PGLYRP2: variants seen among roughly 807,000 people sequenced by gnomAD.
PGLYRP2 encodes peptidoglycan recognition protein 2, also known as N-acetylmuramoyl-L-alanine amidase.
PGLYRP2 carries 38 observed loss-of-function variants against 46.2 expected under a neutral mutation model. The observed-to-expected ratio is 0.82, with a 90% CI of 0.64 to 1.08. The LOEUF is 1.08. Ranked by LOEUF, PGLYRP2 falls within the 50% of genes least tolerant of loss-of-function variation. The pLI is 0.00. For synonymous variants in PGLYRP2, 289 were observed against 329.4 expected (o/e 0.88, Z 1.33); for missense variants, 713 against 755.9 (o/e 0.94, Z 0.67).
At chr19:15,474,067 G>T (rs1360206687) in intron 2 of PGLYRP2, among the ~76,000 whole-genome samples, 1 of 152,164 alleles carries the variant, frequency 6.6e-6, no homozygotes, top group Non-Finnish European at 1.5e-5. Context: ...GCCGGGTGAT[G>T]GCTCACGACT....
chr19:15,473,470 C>CAAAAA (rs56053684), intron 2 of PGLYRP2, among the ~76,000 whole-genome samples: 3 of 36,478 alleles, frequency 8.2e-5, no homozygotes, highest in Non-Finnish European at 1.4e-4. Flanking sequence ...AACTCTGTCT[C>CAAAAA]AAAAAAAAAA....
In PGLYRP2 at chr19:15,471,843, A is replaced by G. The variant is rs757278814; in HGVS notation, c.1343+47T>C. Reference sequence around the variant, plus strand: ...ATCAGGCTCCGCCCACTCAGACCCCATCCCCGAACGTGGGCCCCGCCCCCT... The same window carrying G: ...ATCAGGCTCCGCCCACTCAGACCCCGTCCCCGAACGTGGGCCCCGCCCCCT... On this transcript the variant is annotated intron_variant, in intron 3 of 4. Transcript: ENST00000340880. The G allele has an allele frequency of 3.1e-6, 5 of 1,589,066 alleles. No individual in the cohort carries two copies. In the African/African-American group the frequency reaches 5.4e-5, roughly 17 times the overall value.
intron 3 of PGLYRP2, 129 bp downstream of exon 3, chr19:15,471,761 A>G (rs979615537): frequency 7.4e-6 from 8 of 1,086,486 alleles, no homozygotes; most frequent in East Asian, 2.6e-5. Context: ...TGCTCTACCT[A>G]TCAGGACTCC....
chr19:15,474,728 C>A (rs1970778485), intron 2 of PGLYRP2, among the ~76,000 whole-genome samples: 1 of 151,998 alleles, frequency 6.6e-6, no homozygotes, highest in African/African-American at 2.4e-5. Context: ...GTGGCTCACG[C>A]CCGTAATCCT....
chr19:15,468,756 GA>G lies in PGLYRP2; in HGVS notation c.1642-5del. The stretch of plus-strand genomic sequence containing the variant: ...TGGCAGGTCTTGGCTTAACAGTCTG[GA>G]AAAAGACAAGGGAGTGTGAGGCTTG... On this transcript the variant is annotated splice_polypyrimidine_tract_variant and splice_region_variant and intron_variant, in intron 4 of 4. Coordinates refer to ENST00000340880, the MANE Select transcript of PGLYRP2 (RefSeq NM_052890.4). 1 of 1,607,556 alleles carries G rather than the reference GA, an allele frequency of 6.2e-7. No homozygotes were observed. The highest frequency in any genetic ancestry group is 2.2e-5 in the East Asian group (1 of 44,716).
rs762292256 is a variant in PGLYRP2 at position 15,475,539 on chromosome 19, C to A, written c.1131G>T (p.Leu377=). 1.3e-6 allele frequency: 2 copies of A among 1,589,130 alleles called. No individual in the cohort carries two copies. Among genetic ancestry groups the A allele is most frequent in the Non-Finnish European group, 1.7e-6 (2 of 1,165,752 alleles). The change falls in exon 2 of 5, where the codon CTG becomes CTT. Residue 377 remains leucine (L), a splice_region_variant and synonymous_variant. Transcript: ENST00000340880. ...NATKEFTEAF[L]GCPAIHPRCR... is the part of the protein sequence containing the mutation. ...ACAGGGTGTGGGGAACTTCCTCACC[C>A]AGGAAGGCCTCAGTGAATTCCTTGG...
intron 3 of PGLYRP2, 77 bp from the exon 4 acceptor site, chr19:15,470,006 C>T: frequency 7.6e-7 from 1 of 1,318,104 alleles, no homozygotes; most frequent in Non-Finnish European, 9.7e-7. Context: ...CTCCCCGATT[C>T]TGTTGGTGTG....
At chr19:15,473,315 C>A (rs1192659796) in intron 2 of PGLYRP2, among the ~76,000 whole-genome samples, 1 of 151,274 alleles carries the variant, frequency 6.6e-6, no homozygotes, top group African/African-American at 2.4e-5. Context: ...ACTAAAAATA[C>A]AAAAATTAGC....
chr19:15,475,807 C>T lies in PGLYRP2; in HGVS notation c.863G>A (p.Arg288Gln), dbSNP rs149627417. The T allele has an allele frequency of 1.3e-3, 2,164 of 1,614,046 alleles. 27 individuals carry two copies. In the African/African-American group the frequency reaches 0.023, roughly 17 times the overall value. Residue 288 changes from arginine to glutamine, a missense_variant, in exon 2 of 5, where the codon CGG (arginine) becomes CAG (glutamine). Physicochemically the swap from Arg to Gln is conservative, Grantham distance 43 (BLOSUM62 1). Coordinates refer to ENST00000340880, the MANE Select transcript of PGLYRP2 (RefSeq NM_052890.4). ...GAGGGATGGCCGGGGCTCAGGAGTC[C>T]GGCTCAGGTAGTCTCCAAGGATGAC... ...DGVILGDYLS[R>Q]TPEPRPSLSH...
At position 15,475,677 on chromosome 19, in the gene PGLYRP2, G is replaced by C. The variant is rs34865150; in HGVS notation, c.993C>G (p.Ile331Met). The C allele has an allele frequency of 6.2e-7, 1 of 1,614,054 alleles. No individual in the cohort carries two copies. Among genetic ancestry groups the C allele is most frequent in the African/African-American group, 1.3e-5 (1 of 74,936 alleles). The change falls in exon 2 of 5, where the codon ATC becomes ATG. Residue 331 changes from isoleucine to methionine, a missense_variant. Ile to Met is a conservative substitution (Grantham distance 10). Coordinates refer to ENST00000340880, the MANE Select transcript of PGLYRP2 (RefSeq NM_052890.4). ...QNGAALTSAS[I>M]LAQQVWGTLV... ...GGGTTCCCCACACCTGCTGGGCCAG[G>C]ATGGAGGCTGAAGTCAGAGCAGCAC... is the stretch of plus-strand genomic sequence containing the variant.
rs763948504 is a variant in PGLYRP2 at position 15,475,698 on chromosome 19, A to G, written c.972T>C (p.Ala324=). ...FRSNFRRQNG[A]ALTSASILAQ... Reference sequence around the variant, plus strand: ...CCAGGATGGAGGCTGAAGTCAGAGCAGCACCGTTCTGCCGTCGGAAGTTGC... The same window carrying G: ...CCAGGATGGAGGCTGAAGTCAGAGCGGCACCGTTCTGCCGTCGGAAGTTGC... Residue 324 remains alanine (A), a synonymous_variant, in exon 2 of 5, where the codon GCT becomes GCC. Coordinates refer to ENST00000340880, the MANE Select transcript of PGLYRP2 (RefSeq NM_052890.4). 2 of 1,614,154 alleles carry G rather than the reference A, an allele frequency of 1.2e-6. No homozygotes were observed. The highest frequency in any genetic ancestry group is 1.7e-6 in the Non-Finnish European group (2 of 1,180,008).
chr19:15,470,595 C>G (rs1555722818), intron 3 of PGLYRP2, among the ~76,000 whole-genome samples: 1 of 151,464 alleles, frequency 6.6e-6, no homozygotes, highest in Non-Finnish European at 1.5e-5. Flanking sequence ...GCGTGAGCCA[C>G]TGTGCCCAGC....
In PGLYRP2 at chr19:15,476,392, A is replaced by T. The variant is rs901914749; in HGVS notation, c.278T>A (p.Leu93Gln). 2 of 1,613,940 alleles carry T rather than the reference A, an allele frequency of 1.2e-6. No individual in the cohort carries two copies. The highest frequency in any genetic ancestry group is 1.7e-6 in the Non-Finnish European group (2 of 1,179,964). The change falls in exon 2 of 5, where the codon CTG becomes CAG. Residue 93 changes from leucine to glutamine, a missense_variant. Leu to Gln is a moderately radical substitution (Grantham distance 113). Transcript: ENST00000340880. Reference sequence around the variant, plus strand: ...GTCATGTCGGGCCACCTCCTTGGTCAGGCCTAACAGCTCTGGGCTTAGTGG... The same window carrying T: ...GTCATGTCGGGCCACCTCCTTGGTCTGGCCTAACAGCTCTGGGCTTAGTGG... ...PCPLSPELLGLTKEVARHDVR... is the reference protein window; with the variant it reads ...PCPLSPELLGQTKEVARHDVR...
intron 1 of PGLYRP2, among the ~76,000 whole-genome samples, 172 bp downstream of exon 1, chr19:15,479,139 T>C (rs1970823423): frequency 6.6e-6 from 1 of 152,182 alleles, no homozygotes; most frequent in Admixed American, 6.6e-5. Flanking sequence ...TTCCTTCCCT[T>C]ATCCTTGCCT....
chr19:15,477,057 T>C (rs78942241), intron 1 of PGLYRP2, among the ~76,000 whole-genome samples: 6,121 of 151,982 alleles, frequency 0.04, 412 homozygotes, highest in African/African-American at 0.14. Context: ...TTGTGATGAA[T>C]TGAAGTTAAA....
rs754727111 is a variant in PGLYRP2, at chr19:15,468,684, C to T, written c.1710G>A (p.Leu570=). The part of the protein sequence containing the change: ...RSRREPPPRT[L]PATDLQ ...GTCTTTATTGGAGGTCTGTGGCTGG[C>T]AGGGTCCTTGGGGGTGGCTCCCTCC... Residue 570 remains leucine (L), a synonymous_variant, in exon 5 of 5, where the codon CTG becomes CTA. Transcript: ENST00000340880. 3.7e-6 allele frequency: 6 copies of T among 1,612,808 alleles called. No homozygotes were observed. The highest frequency in any genetic ancestry group is 5.1e-6 in the Non-Finnish European group (6 of 1,179,428).
At position 15,468,771 on chromosome 19, in the gene PGLYRP2, G is replaced by C; in HGVS notation, c.1642-19C>G. ...TAACAGTCTGGAAAAAGACAAGGGA[G>C]TGTGAGGCTTGGGGGTGGTTGTGGT... On this transcript the variant is annotated intron_variant, in intron 4 of 4. Transcript: ENST00000340880. The C allele has an allele frequency of 1.9e-6, 3 of 1,596,204 alleles. No individual in the cohort carries two copies. The highest frequency in any genetic ancestry group is 2.6e-6 in the Non-Finnish European group (3 of 1,168,450).
At chr19:15,478,777 C>A (rs143333961) in intron 1 of PGLYRP2, among the ~76,000 whole-genome samples, 4,423 of 152,042 alleles carry the variant, frequency 0.029, 105 homozygotes, top group Non-Finnish European at 0.046. Context: ...CCTGCCACCA[C>A]GCCTGGCTAA....
chr19:15,472,030 C>T lies in PGLYRP2; in HGVS notation c.1203G>A (p.Gln401=). ...GCACGTACAAGAATCCCAGCGGCAGCTGCAGCAGCTTCGGGCGGCCCCGAT... is the reference window on the plus strand; with the variant it reads ...GCACGTACAAGAATCCCAGCGGCAGTTGCAGCAGCTTCGGGCGGCCCCGAT... ...APYRGRPKLL[Q]LPLGFLYVHH... is the part of the protein sequence containing the mutation. Residue 401 remains glutamine (Q), a synonymous_variant, in exon 3 of 5, where the codon CAG becomes CAA. Coordinates refer to ENST00000340880, the MANE Select transcript of PGLYRP2 (RefSeq NM_052890.4). 1 of 1,612,468 alleles carries T rather than the reference C, an allele frequency of 6.2e-7. No homozygotes were observed. The highest frequency in any genetic ancestry group is 8.5e-7 in the Non-Finnish European group (1 of 1,179,916).
Sources: allele counts gnomAD v4.1 joint callset (sites outside exome capture counted in the v4.1 genomes callset), GRCh38; gene constraint gnomAD v4.1.1; transcripts MANE v1.5; gene names NCBI Gene and HGNC (gene_info 2026-07-23, HGNC 2026-07-21).